The following UBAC2 variants were observed in gnomAD, a reference collection of about 807,000 sequenced individuals.
UBAC2 encodes the protein UBA domain containing 2, also known as ubiquitin-associated domain-containing protein 2.
Under a neutral mutation model 44.0 loss-of-function variants are expected in UBAC2, and 26 were observed. The ratio of observed to expected loss-of-function variants is 0.59; its 90% confidence interval spans 0.43 to 0.82. UBAC2 has a LOEUF of 0.82. Among genes scored for constraint, UBAC2 ranks in the 40% least tolerant of loss-of-function variants. The pLI, the probability that UBAC2 is intolerant of heterozygous loss-of-function variation, is 0.00. For missense variants in UBAC2, 329 were observed against 419.4 expected, an observed-to-expected ratio of 0.78 and a Z score of 1.88; for synonymous variants, 155 against 154.3, an observed-to-expected ratio of 1.00 and a Z score of -0.04.
chr13:99,324,949 A>G (rs189582661), intron 6 of UBAC2, among the ~76,000 whole-genome samples: 2 of 152,302 alleles, frequency 1.3e-5, no homozygotes, highest in African/African-American at 4.8e-5. Context: ...TGTAATGTTC[A>G]CACGATGACC....
intron 7 of UBAC2, among the ~76,000 whole-genome samples, chr13:99,341,422 G>C (rs114485760): frequency 0.19 from 28,133 of 150,720 alleles, 2,787 homozygotes; most frequent in Middle Eastern, 0.23. Context: ...TATATCAGGG[G>C]GGGGGAGGAA....
chr13:99,298,687 G>GA (rs932568927), intron 4 of UBAC2, among the ~76,000 whole-genome samples: 4 of 151,788 alleles, frequency 2.6e-5, no homozygotes, highest in East Asian at 3.9e-4. Flanking sequence ...TTTTGTGCAG[G>GA]AAAAAAAATG....
chr13:99,262,812 G>T (rs2043687015), intron 4 of UBAC2, among the ~76,000 whole-genome samples: 2 of 150,748 alleles, frequency 1.3e-5, no homozygotes, highest in Non-Finnish European at 3.0e-5. Flanking sequence ...ATAATAGTGT[G>T]TGTGGTTGAG....
intron 1 of UBAC2, chr13:99,215,439 C>T (rs906680078): frequency 2.2e-6 from 3 of 1,356,248 alleles, no homozygotes; most frequent in Non-Finnish European, 1.1e-6. Flanking sequence ...GACACCACCA[C>T]CAGCAATTGT....
intron 8 of UBAC2, among the ~76,000 whole-genome samples, chr13:99,373,988 G>A (rs1218694758): frequency 2.6e-5 from 4 of 152,150 alleles, no homozygotes; most frequent in Admixed American, 2.6e-4. Context: ...TTACCATTTG[G>A]TGCATTAATA....
chr13:99,217,601 C>T (rs1435095372), intron 1 of UBAC2, among the ~76,000 whole-genome samples: 5 of 152,216 alleles, frequency 3.3e-5, no homozygotes, highest in Admixed American at 3.3e-4. Context: ...CCAGCTGTTA[C>T]CCGCGCTCGC....
At chr13:99,242,425 C>T (rs1594037563) in intron 2 of UBAC2, among the ~76,000 whole-genome samples, 1 of 142,360 alleles carries the variant, frequency 7.0e-6, no homozygotes, top group South Asian at 2.3e-4. Context: ...CGCCCCTCAC[C>T]TCCCAGACGG....
At chr13:99,319,212 A>T (rs1368524711) in intron 6 of UBAC2, among the ~76,000 whole-genome samples, 1 of 152,078 alleles carries the variant, frequency 6.6e-6, no homozygotes, top group Non-Finnish European at 1.5e-5. Context: ...GTGAGGTATT[A>T]AAAAAAATTA....
At chr13:99,370,968 AAAGAAAT>A (rs2045397706) in intron 8 of UBAC2, among the ~76,000 whole-genome samples, 1 of 152,370 alleles carries the variant, frequency 6.6e-6, no homozygotes, top group Middle Eastern at 3.4e-3. Context: ...GTTCAGCTGA[AAAGAAAT>A]ATCAAAATTC....
chr13:99,288,746 A>G (rs1251256060), intron 4 of UBAC2, among the ~76,000 whole-genome samples: 1 of 152,252 alleles, frequency 6.6e-6, no homozygotes, highest in Admixed American at 6.5e-5. Flanking sequence ...GTACCAAGCA[A>G]GTATTAGTTA....
chr13:99,336,919 A>C (rs1594140303), intron 6 of UBAC2, among the ~76,000 whole-genome samples: 19 of 137,816 alleles, frequency 1.4e-4, no homozygotes, highest in East Asian at 4.4e-4. Context: ...CTTCCTTCCC[A>C]CCTCTCTTCC....
At chr13:99,256,062 A>C (rs2043550179) in intron 4 of UBAC2, among the ~76,000 whole-genome samples, 2 of 152,242 alleles carry the variant, frequency 1.3e-5, no homozygotes, top group South Asian at 4.1e-4. Flanking sequence ...ATTCACAGTA[A>C]TTCTCATTTG....
At chr13:99,238,796 C>T (rs970867210) in intron 2 of UBAC2, among the ~76,000 whole-genome samples, 1 of 152,112 alleles carries the variant, frequency 6.6e-6, no homozygotes, top group East Asian at 1.9e-4. Flanking sequence ...ACTTTTTACT[C>T]AGAGAAGTGT....
At chr13:99,225,172 G>A (rs1376776576) in intron 1 of UBAC2, among the ~76,000 whole-genome samples, 1 of 152,116 alleles carries the variant, frequency 6.6e-6, no homozygotes, top group Non-Finnish European at 1.5e-5. Context: ...AATATAAAAT[G>A]TACAATCTTA....
At chr13:99,243,549 A>G (rs566699102) in intron 2 of UBAC2, among the ~76,000 whole-genome samples, 7 of 152,280 alleles carry the variant, frequency 4.6e-5, no homozygotes, top group Middle Eastern at 3.4e-3. Context: ...ACTAAACGTG[A>G]TCCTGAAATT....
At chr13:99,254,558 G>A (rs2043505718) in intron 4 of UBAC2, among the ~76,000 whole-genome samples, 1 of 152,074 alleles carries the variant, frequency 6.6e-6, no homozygotes, top group South Asian at 2.1e-4. Flanking sequence ...CATCTAGATA[G>A]AAAATAATTT....
intron 8 of UBAC2, among the ~76,000 whole-genome samples, chr13:99,378,783 C>T (rs140129959): frequency 7.9e-5 from 12 of 152,334 alleles, no homozygotes; most frequent in African/African-American, 1.9e-4. Context: ...GCATCCTTCA[C>T]GCTAAACGCC....
intron 6 of UBAC2, among the ~76,000 whole-genome samples, chr13:99,319,484 CT>C (rs2044540949): frequency 6.6e-6 from 1 of 152,166 alleles, no homozygotes; most frequent in South Asian, 2.1e-4. Flanking sequence ...CTGCTTACCC[CT>C]CTTCTTCCTT....
chr13:99,364,710 T>C (rs2045308673), intron 7 of UBAC2, among the ~76,000 whole-genome samples: 1 of 152,232 alleles, frequency 6.6e-6, no homozygotes, highest in Non-Finnish European at 1.5e-5. Flanking sequence ...ATAATAGTCA[T>C]ACAAATGTAC....
Sources: gnomAD v4.1 joint callset for allele counts (sites outside exome capture counted in the v4.1 genomes callset) on GRCh38, gnomAD v4.1.1 for gene constraint, MANE v1.5 for transcripts, NCBI Gene and HGNC (gene_info 2026-07-23, HGNC 2026-07-21) for gene names.